ERBB4: variants seen among roughly 807,000 people sequenced by gnomAD.
The protein encoded by ERBB4 is erb-b2 receptor tyrosine kinase 4.
A neutral mutation model predicts 158.0 loss-of-function variants in ERBB4; 42 were observed. That is an observed-to-expected ratio of 0.27 (90% CI 0.21 to 0.34). ERBB4 has a LOEUF of 0.34. Ranked by LOEUF, ERBB4 falls within the 10% of genes least tolerant of loss-of-function variation. The probability of loss-of-function intolerance (pLI) is 1.00; values close to 1 mark genes in which losing one functional copy is unlikely to be tolerated. For synonymous variants in ERBB4, 583 were observed against 558.7 expected (o/e 1.04, Z -0.61); for missense variants, 1,333 against 1,624.1 (o/e 0.82, Z 3.08).
chr2:211,425,369 TGG>T (rs1366987616), intron 22 of ERBB4, among the ~76,000 whole-genome samples: 2,131 of 120,412 alleles, frequency 0.018, 54 homozygotes, highest in African/African-American at 0.12. Context: ...TAAAACTATG[TGG>T]AATTTAAAAT....
chr2:212,100,413 T>C (rs1183167055), intron 2 of ERBB4, among the ~76,000 whole-genome samples: 7 of 152,160 alleles, frequency 4.6e-5, no homozygotes, highest in Non-Finnish European at 5.9e-5. Context: ...AAGAAATAAA[T>C]AGCATTTTTA....
chr2:212,371,206 T>C (rs933082360), intron 1 of ERBB4, among the ~76,000 whole-genome samples: 1 of 152,176 alleles, frequency 6.6e-6, no homozygotes, highest in African/African-American at 2.4e-5. Flanking sequence ...TCCTCTCATC[T>C]GCCATTTTTA....
chr2:212,001,485 A>T (rs768439843), intron 2 of ERBB4, among the ~76,000 whole-genome samples: 6 of 152,160 alleles, frequency 3.9e-5, no homozygotes, highest in Non-Finnish European at 7.4e-5. Context: ...CTAAAAGGCT[A>T]TGCGAGGATT....
rs1242334355 is a variant in ERBB4, at chr2:211,377,207, G to A, written c.*6408C>T. 2 of 232,582 alleles carry A rather than the reference G, an allele frequency of 8.6e-6. No individual in the cohort carries two copies. Among genetic ancestry groups the A allele is most frequent in the Non-Finnish European group, 1.7e-5 (2 of 117,570 alleles). The allele number at this position is 232,582 out of a possible 1,614,324, so 14.4% of individuals were successfully genotyped here. ...CAACCCCCAATTAACTAAAAAATCTGGAAATGACATTTGAAAACCAGATTC... is the reference window on the plus strand; with the variant it reads ...CAACCCCCAATTAACTAAAAAATCTAGAAATGACATTTGAAAACCAGATTC... On this transcript the variant is annotated 3_prime_UTR_variant, in exon 28 of 28. Transcript: ENST00000342788.
At chr2:211,892,769 GACAA>G (rs1293130124) in intron 3 of ERBB4, among the ~76,000 whole-genome samples, 4 of 143,858 alleles carry the variant, frequency 2.8e-5, no homozygotes, top group East Asian at 3.9e-4. Flanking sequence ...ACCAACAACA[GACAA>G]ACAGAGAGCC....
chr2:212,005,083 A>ATT (rs1335366557), intron 2 of ERBB4, among the ~76,000 whole-genome samples: 1 of 152,206 alleles, frequency 6.6e-6, no homozygotes, highest in African/African-American at 2.4e-5. Flanking sequence ...AACTACAGAG[A>ATT]AATAAAATGA....
At chr2:211,703,740 G>A (rs1271709043) in intron 11 of ERBB4, among the ~76,000 whole-genome samples, 1 of 152,026 alleles carries the variant, frequency 6.6e-6, no homozygotes, top group East Asian at 1.9e-4. Flanking sequence ...GAACCTCCTG[G>A]CACAACAGCA....
At position 212,072,780 on chromosome 2, in the gene ERBB4, G is replaced by A. The variant is rs191414313; in HGVS notation, c.234+51972C>T. 2.5e-3 allele frequency among the ~76,000 whole-genome samples: 385 copies of A among 152,052 alleles called. 1 individual carries two copies. Among genetic ancestry groups the A allele is most frequent in the African/African-American group, 8.9e-3 (370 of 41,528 alleles). ...TATGCTCAGCCTTGGCTAGGTATTG[G>A]AGATACACAGATGAGGAAAAAGTAA... On this transcript the variant is annotated intron_variant, in intron 2 of 27. Coordinates refer to ENST00000342788, the MANE Select transcript of ERBB4 (RefSeq NM_005235.3).
intron 1 of ERBB4, among the ~76,000 whole-genome samples, chr2:212,192,051 A>ATAAGT (rs2082279591): frequency 1.0e-5 from 1 of 97,524 alleles, no homozygotes; most frequent in Non-Finnish European, 2.4e-5. Context: ...TATATATGTT[A>ATAAGT]TATGTTATAT....
chr2:211,866,247 T>C (rs901434779), intron 3 of ERBB4, among the ~76,000 whole-genome samples: 1 of 152,182 alleles, frequency 6.6e-6, no homozygotes, highest in African/African-American at 2.4e-5. Context: ...CGAGGCTCCA[T>C]CTCAAAATTA....
intron 1 of ERBB4, among the ~76,000 whole-genome samples, chr2:212,452,570 T>C (rs1031909729): frequency 6.6e-6 from 1 of 152,136 alleles, no homozygotes; most frequent in Admixed American, 6.5e-5. Context: ...TAGTATTTAA[T>C]TGGAGAGAAT....
At chr2:212,020,478 T>C (rs1347969741) in intron 2 of ERBB4, among the ~76,000 whole-genome samples, 1 of 152,086 alleles carries the variant, frequency 6.6e-6, no homozygotes, top group Non-Finnish European at 1.5e-5. Context: ...CCTAAGTTTT[T>C]TCAACATGTA....
At chr2:212,170,537 T>C (rs1305785561) in intron 1 of ERBB4, among the ~76,000 whole-genome samples, 1 of 152,120 alleles carries the variant, frequency 6.6e-6, no homozygotes, top group Non-Finnish European at 1.5e-5. Context: ...TTCAGAGATG[T>C]TGGTGGCAGC....
At chr2:211,766,701 T>C (rs1310564701) in intron 4 of ERBB4, among the ~76,000 whole-genome samples, 1 of 152,110 alleles carries the variant, frequency 6.6e-6, no homozygotes, top group East Asian at 1.9e-4. Context: ...GAGAACAGGG[T>C]CTGAAGGCAG....
At chr2:212,019,776 A>AG (rs57810159) in intron 2 of ERBB4, among the ~76,000 whole-genome samples, 1 of 145,378 alleles carries the variant, frequency 6.9e-6, no homozygotes, top group Non-Finnish European at 1.5e-5. Context: ...AAAAAAAAAA[A>AG]GGAAAGAAAG....
chr2:211,787,408 C>T (rs112762387), intron 4 of ERBB4, among the ~76,000 whole-genome samples: 12 of 152,212 alleles, frequency 7.9e-5, no homozygotes, highest in African/African-American at 2.9e-4. Context: ...CTGATAAATT[C>T]TTTGTGGTAG....
chr2:212,155,816 A>G (rs2081019153), intron 1 of ERBB4, among the ~76,000 whole-genome samples: 1 of 152,158 alleles, frequency 6.6e-6, no homozygotes, highest in Non-Finnish European at 1.5e-5. Flanking sequence ...ATTGCAAAAT[A>G]TTATTGACAT....
chr2:211,660,256 T>C (rs1210110974), intron 15 of ERBB4, among the ~76,000 whole-genome samples: 1 of 152,242 alleles, frequency 6.6e-6, no homozygotes, highest in Non-Finnish European at 1.5e-5. Context: ...GCTCTGTGGA[T>C]ACTAGTCAGC....
chr2:212,078,729 T>C (rs528300032), intron 2 of ERBB4, among the ~76,000 whole-genome samples: 31 of 151,862 alleles, frequency 2.0e-4, no homozygotes, highest in African/African-American at 6.7e-4. Flanking sequence ...GAGACTATTA[T>C]TCTAATTGTA....
Sources: gnomAD v4.1 joint callset for allele counts (sites outside exome capture counted in the v4.1 genomes callset) on GRCh38, gnomAD v4.1.1 for gene constraint, MANE v1.5 for transcripts, NCBI Gene and HGNC (gene_info 2026-07-23, HGNC 2026-07-21) for gene names.